Variants in COLEC10 observed in about 807,000 individuals in gnomAD.
COLEC10 encodes the protein collectin subfamily member 10, also known as collectin-10.
Under a neutral mutation model 28.4 loss-of-function variants are expected in COLEC10, and 22 were observed. That is an observed-to-expected ratio of 0.78 (90% CI 0.55 to 1.11). The LOEUF is 1.11. Ranked by LOEUF, COLEC10 falls within the 50% of genes least tolerant of loss-of-function variation. The pLI, the probability that COLEC10 is intolerant of heterozygous loss-of-function variation, is 0.00. For synonymous variants in COLEC10, 125 were observed against 116.1 expected (o/e 1.08, Z -0.49); for missense variants, 361 against 344.1 (o/e 1.05, Z -0.39).
rs559139954 is a variant in COLEC10 at position 119,096,355 on chromosome 8, G to A, written c.292+5135G>A. Among the ~76,000 whole-genome samples, 5 of 152,334 alleles carry A rather than the reference G, an allele frequency of 3.3e-5. No homozygotes were observed. In the South Asian group the frequency reaches 1.0e-3, roughly 32 times the overall value. ...GCCTGTACTCCCAGCACTTTGGGAA[G>A]CCAAGGCATGTAGGTCACCTGAGAT... On this transcript the variant is annotated intron_variant, in intron 3 of 5. Coordinates refer to ENST00000332843, the MANE Select transcript of COLEC10 (RefSeq NM_006438.5).
At chr8:119,007,110 TC>T (rs1813817454) in intron 1 of COLEC10, among the ~76,000 whole-genome samples, 1 of 152,090 alleles carries the variant, frequency 6.6e-6, no homozygotes, top group Admixed American at 6.6e-5. Context: ...GTTTACTGGT[TC>T]ATGACTTGGA....
chr8:119,069,881 C>T (rs373683269), intron 1 of COLEC10, among the ~76,000 whole-genome samples: 3 of 151,918 alleles, frequency 2.0e-5, no homozygotes, highest in South Asian at 4.2e-4. Flanking sequence ...CTAATCATCT[C>T]ATTACTGTAT....
At chr8:119,103,476 G>A (rs1334492001) in intron 4 of COLEC10, among the ~76,000 whole-genome samples, 2 of 151,978 alleles carry the variant, frequency 1.3e-5, no homozygotes, top group Non-Finnish European at 2.9e-5. Flanking sequence ...AGATTGGGCA[G>A]ACACATTCTG....
intron 1 of COLEC10, among the ~76,000 whole-genome samples, chr8:119,073,961 CATATACACATAT>C (rs1815175468): frequency 8.7e-6 from 1 of 114,892 alleles, no homozygotes; most frequent in South Asian, 2.5e-4. Flanking sequence ...CATATATACA[CATATACACATAT>C]ATATACACGT....
chr8:118,997,771 T>G (rs1453451399), intron 1 of COLEC10, among the ~76,000 whole-genome samples: 1 of 152,190 alleles, frequency 6.6e-6, no homozygotes, highest in Non-Finnish European at 1.5e-5. Flanking sequence ...TCTGCATTAC[T>G]AGAAATTCAC....
In COLEC10 at chr8:119,092,287, G is replaced by T. The variant is rs916977923; in HGVS notation, c.292+1067G>T. Among the ~76,000 whole-genome samples, 7 of 152,054 alleles carry T rather than the reference G, an allele frequency of 4.6e-5. No homozygotes were observed. In the South Asian group the frequency reaches 6.2e-4, roughly 14 times the overall value. Reference sequence around the variant, plus strand: ...GGGTTTCTCTGTGCTAGCCAAGATGGTCTCGATCTTCTGACCTCAGGTGAT... The same window carrying T: ...GGGTTTCTCTGTGCTAGCCAAGATGTTCTCGATCTTCTGACCTCAGGTGAT... On this transcript the variant is annotated intron_variant, in intron 3 of 5. Transcript: ENST00000332843.
At chr8:119,074,756 G>A (rs560985120) in intron 1 of COLEC10, among the ~76,000 whole-genome samples, 12 of 152,282 alleles carry the variant, frequency 7.9e-5, no homozygotes, top group African/African-American at 2.9e-4. Flanking sequence ...TCTCTTCGCT[G>A]ATATTGCTTC....
chr8:119,034,517 A>T (rs1248013445), intron 2 of COLEC10, among the ~76,000 whole-genome samples: 1 of 152,046 alleles, frequency 6.6e-6, no homozygotes, highest in African/African-American at 2.4e-5. Context: ...TCAAGATCAG[A>T]CTGGCCAAGA....
At chr8:119,049,907 G>A (rs1814648205) in intron 2 of COLEC10, among the ~76,000 whole-genome samples, 1 of 152,170 alleles carries the variant, frequency 6.6e-6, no homozygotes, top group Non-Finnish European at 1.5e-5. Flanking sequence ...ATTTTGGGGG[G>A]AATACAGTAT....
chr8:118,973,027 C>T, the COLEC10 span, among the ~76,000 whole-genome samples: 14 of 151,876 alleles, frequency 9.2e-5, no homozygotes, highest in African/African-American at 3.4e-4. Context: ...GTAACGACCC[C>T]CATGATTCAA....
At chr8:119,102,306 T>A in intron 3 of COLEC10, 42 bp from the exon 4 acceptor site, 1 of 1,395,270 alleles carries the variant, frequency 7.2e-7, no homozygotes, top group Non-Finnish European at 1.0e-6. Context: ...TCTTCTTTTA[T>A]TTTAATTTTA....
At chr8:118,954,105 T>A in the COLEC10 span, among the ~76,000 whole-genome samples, 3 of 152,244 alleles carry the variant, frequency 2.0e-5, no homozygotes, top group Admixed American at 6.5e-5. Flanking sequence ...TATTTTTCTA[T>A]GGTATTCGCT....
At chr8:119,000,106 AC>A (rs1314666219) in intron 1 of COLEC10, among the ~76,000 whole-genome samples, 2 of 152,224 alleles carry the variant, frequency 1.3e-5, no homozygotes, top group African/African-American at 4.8e-5. Context: ...GGATGGTCTT[AC>A]ATGAGAGCAG....
At chr8:119,056,731 C>T (rs936871865) in intron 2 of COLEC10, among the ~76,000 whole-genome samples, 9 of 151,982 alleles carry the variant, frequency 5.9e-5, no homozygotes, top group African/African-American at 2.2e-4. Flanking sequence ...TGTCACATTT[C>T]TCATATCCTC....
chr8:118,962,144 G>A, the COLEC10 span, among the ~76,000 whole-genome samples: 1 of 152,192 alleles, frequency 6.6e-6, no homozygotes, highest in Admixed American at 6.5e-5. Flanking sequence ...AGCATACCAC[G>A]GTCTGCTGGG....
chr8:119,073,961 C>CACAT (rs68176159), intron 1 of COLEC10, among the ~76,000 whole-genome samples: 63,936 of 114,782 alleles, frequency 0.56, 13,991 homozygotes, highest in Middle Eastern at 0.63. Context: ...CATATATACA[C>CACAT]ATATACACAT....
At chr8:119,080,152 T>C (rs775854520) in intron 1 of COLEC10, among the ~76,000 whole-genome samples, 1 of 152,182 alleles carries the variant, frequency 6.6e-6, no homozygotes, top group Non-Finnish European at 1.5e-5. Context: ...CTTTGTTGGA[T>C]GCCAGTTGTA....
At chr8:119,049,401 CTTTTTTTTTTT>C (rs34885340) in intron 2 of COLEC10, among the ~76,000 whole-genome samples, 960 of 60,088 alleles carry the variant, frequency 0.016, 11 homozygotes, top group African/African-American at 0.063. Flanking sequence ...ATTTTCTTTT[CTTTTTTTTTTT>C]TTTTTTTTTT....
At chr8:119,048,755 A>T (rs1029340291) in intron 2 of COLEC10, among the ~76,000 whole-genome samples, 2 of 152,082 alleles carry the variant, frequency 1.3e-5, no homozygotes, top group Non-Finnish European at 2.9e-5. Flanking sequence ...GGGTCTCTTG[A>T]AGACAGCAGA....
Sources: allele counts gnomAD v4.1 joint callset (sites outside exome capture counted in the v4.1 genomes callset), GRCh38; gene constraint gnomAD v4.1.1; transcripts MANE v1.5; gene names NCBI Gene and HGNC (gene_info 2026-07-23, HGNC 2026-07-21).